The following ANXA8 variants were observed in gnomAD, a reference collection of about 807,000 sequenced individuals.
The protein encoded by ANXA8 is annexin A8.
Under a neutral mutation model 26.8 loss-of-function variants are expected in ANXA8, and 9 were observed. The ratio of observed to expected loss-of-function variants is 0.34; its 90% CI spans 0.20 to 0.59. The LOEUF (loss-of-function observed/expected upper bound fraction) is 0.59, where lower values mean the gene tolerates loss of function less well. ANXA8 is among the 20% of genes least tolerant of loss of function. The pLI is 0.84. For missense variants in ANXA8, 83 were observed against 238.5 expected (o/e 0.35, Z 4.29); for synonymous variants, 39 against 94.8 (o/e 0.41, Z 3.42).
At chr10:47,558,974 C>T in the ANXA8 span, among the ~76,000 whole-genome samples, 1 of 151,486 alleles carries the variant, frequency 6.6e-6, no homozygotes, top group Non-Finnish European at 1.5e-5. Context: ...TATTGAATAA[C>T]TTCAAATTGA....
the ANXA8 span, among the ~76,000 whole-genome samples, chr10:47,658,840 T>TTATTTATTTTATTAGTATTTA: frequency 7.5e-6 from 1 of 133,810 alleles, no homozygotes; most frequent in Admixed American, 7.2e-5. Context: ...GAGGTTTTTA[T>TTATTTATTTTATTAGTATTTA]TTATTTATTA....
chr10:47,677,466 T>C, the ANXA8 span, among the ~76,000 whole-genome samples: 2 of 149,466 alleles, frequency 1.3e-5, no homozygotes, highest in Admixed American at 1.3e-4. Flanking sequence ...TAGTGATCCC[T>C]GAGAGAAGGG....
At chr10:47,632,045 G>A in the ANXA8 span, among the ~76,000 whole-genome samples, 3,727 of 150,990 alleles carry the variant, frequency 0.025, 18 homozygotes, top group Non-Finnish European at 0.033. Flanking sequence ...AATCCTACTT[G>A]CATAATCAAC....
chr10:47,488,202 C>T (rs1840079934), upstream of ANXA8, among the ~76,000 whole-genome samples: 1 of 130,946 alleles, frequency 7.6e-6, no homozygotes, highest in Non-Finnish European at 1.6e-5. Flanking sequence ...TTCTAAGTCA[C>T]CCAGTTTATG....
the ANXA8 span, among the ~76,000 whole-genome samples, chr10:47,928,612 GC>G: frequency 2.6e-5 from 1 of 38,276 alleles, no homozygotes; most frequent in Non-Finnish European, 4.6e-5. Context: ...CAAGCTAACA[GC>G]CCCAAAGACC....
the ANXA8 span, among the ~76,000 whole-genome samples, chr10:47,702,488 GT>G: frequency 6.6e-6 from 1 of 151,006 alleles, no homozygotes; most frequent in Non-Finnish European, 1.5e-5. Flanking sequence ...CTACAGGTAC[GT>G]GCCACCACGC....
chr10:47,559,347 C>T, the ANXA8 span, among the ~76,000 whole-genome samples: 1 of 151,374 alleles, frequency 6.6e-6, no homozygotes, highest in Non-Finnish European at 1.5e-5. Flanking sequence ...AAGCTGGTCT[C>T]GAACTCCTGA....
chr10:47,572,422 A>G, the ANXA8 span, among the ~76,000 whole-genome samples: 1 of 149,270 alleles, frequency 6.7e-6, no homozygotes, highest in African/African-American at 2.5e-5. Context: ...CTATATAAGA[A>G]TTTACCTGTT....
chr10:47,762,222 G>A, the ANXA8 span, among the ~76,000 whole-genome samples: 1 of 151,996 alleles, frequency 6.6e-6, no homozygotes, highest in East Asian at 1.9e-4. Context: ...TGGACGAGGT[G>A]GGGAGGAAGA....
chr10:47,681,939 G>A, the ANXA8 span, among the ~76,000 whole-genome samples: 1 of 129,568 alleles, frequency 7.7e-6, no homozygotes, highest in Admixed American at 8.2e-5. Flanking sequence ...GCGTGACATT[G>A]GACAAATGAC....
At chr10:47,949,719 G>T in the ANXA8 span, among the ~76,000 whole-genome samples, 1 of 149,328 alleles carries the variant, frequency 6.7e-6, no homozygotes, top group African/African-American at 2.5e-5. Flanking sequence ...GATACATATT[G>T]TATACCCTCA....
chr10:47,968,747 T>C, the ANXA8 span, among the ~76,000 whole-genome samples: 8 of 151,102 alleles, frequency 5.3e-5, no homozygotes, highest in Non-Finnish European at 1.2e-4. Context: ...TCATCAAAAG[T>C]TACAAAGGCA....
the ANXA8 span, among the ~76,000 whole-genome samples, chr10:47,680,070 G>A: frequency 6.6e-6 from 1 of 151,424 alleles, no homozygotes; most frequent in Non-Finnish European, 1.5e-5. Context: ...CCACCTCCTG[G>A]ATTCAAGATG....
the ANXA8 span, chr10:47,970,297 A>T: frequency 0.12 from 17,701 of 150,694 alleles, 492 homozygotes; most frequent in African/African-American, 0.27. Flanking sequence ...GGGCCACCCC[A>T]GGCCTCGCTC....
the ANXA8 span, among the ~76,000 whole-genome samples, chr10:47,989,353 G>A: frequency 1.2e-4 from 12 of 104,242 alleles, no homozygotes; most frequent in African/African-American, 3.9e-4. Flanking sequence ...GTGCACCAGC[G>A]AGTGCCCAGG....
the ANXA8 span, among the ~76,000 whole-genome samples, chr10:47,636,945 C>A: frequency 6.6e-6 from 1 of 151,392 alleles, no homozygotes; most frequent in East Asian, 1.9e-4. Flanking sequence ...ATGGTCAGTT[C>A]TCACTTCTTT....
At chr10:47,676,214 G>T in the ANXA8 span, among the ~76,000 whole-genome samples, 1 of 151,712 alleles carries the variant, frequency 6.6e-6, no homozygotes, top group Non-Finnish European at 1.5e-5. Flanking sequence ...TAACATATAT[G>T]TAATTGGAGT....
chr10:47,947,444 A>C, the ANXA8 span, among the ~76,000 whole-genome samples: 5 of 145,560 alleles, frequency 3.4e-5, no homozygotes, highest in African/African-American at 1.1e-4. Flanking sequence ...AGTAATGTAC[A>C]GAAAAATATC....
the ANXA8 span, among the ~76,000 whole-genome samples, chr10:47,676,570 T>G: frequency 3.4e-4 from 52 of 151,808 alleles, no homozygotes; most frequent in Non-Finnish European, 4.4e-5. Flanking sequence ...TGGTGGCACA[T>G]GCTTGAACCC....
Sources: allele counts gnomAD v4.1 joint callset (sites outside exome capture counted in the v4.1 genomes callset), GRCh38; gene constraint gnomAD v4.1.1; transcripts MANE v1.5; gene names NCBI Gene and HGNC (gene_info 2026-07-23, HGNC 2026-07-21).